Variants in UBA6 observed in about 807,000 individuals in gnomAD.
UBA6 encodes ubiquitin-like modifier-activating enzyme 6.
Under a neutral mutation model 148.3 loss-of-function variants are expected in UBA6, and 87 were observed. That is an observed-to-expected ratio of 0.59 (90% confidence interval 0.49 to 0.70). The LOEUF (loss-of-function observed/expected upper bound fraction) is 0.70. Ranked by LOEUF, UBA6 falls within the 30% of genes least tolerant of loss-of-function variation. UBA6 has a pLI of 0.00. For missense variants in UBA6, 1,186 were observed against 1,241.2 expected (o/e 0.96, Z 0.67); for synonymous variants, 376 against 401.0 (o/e 0.94, Z 0.75).
intron 17 of UBA6, among the ~76,000 whole-genome samples, chr4:67,642,432 C>A (rs1729328778): frequency 6.6e-6 from 1 of 152,042 alleles, no homozygotes. Context: ...AAACTTTTAA[C>A]CATCTCACTC....
chr4:67,645,891 T>C (rs560765041), intron 16 of UBA6, 47 bp downstream of exon 16: 9 of 1,196,360 alleles, frequency 7.5e-6, no homozygotes, highest in African/African-American at 1.5e-5. Flanking sequence ...TAAGTTGATA[T>C]ACGATAGCAG....
At chr4:67,672,595 C>T (rs1303845376) in intron 7 of UBA6, among the ~76,000 whole-genome samples, 5 of 152,162 alleles carry the variant, frequency 3.3e-5, no homozygotes, top group Admixed American at 2.0e-4. Context: ...GATCTTGTAA[C>T]GTATGGCCCC....
At chr4:67,678,584 ACT>A (rs1388793901) in intron 4 of UBA6, 51 bp from the exon 5 acceptor site, 3 of 992,748 alleles carry the variant, frequency 3.0e-6, no homozygotes, top group Non-Finnish European at 4.7e-6. Flanking sequence ...AAGGATATGC[ACT>A]CTCTCCAGTA....
At chr4:67,636,642 C>G (rs1470328636) in intron 19 of UBA6, among the ~76,000 whole-genome samples, 1 of 152,256 alleles carries the variant, frequency 6.6e-6, no homozygotes, top group East Asian at 1.9e-4. Flanking sequence ...GATCTGCCAG[C>G]CTCGGCCTCC....
At chr4:67,677,127 G>A (rs1730300588) in intron 6 of UBA6, among the ~76,000 whole-genome samples, 1 of 152,192 alleles carries the variant, frequency 6.6e-6, no homozygotes. Context: ...CCGACAGGAT[G>A]TTAATGGACA....
chr4:67,679,809 G>C (rs942356269), intron 4 of UBA6, among the ~76,000 whole-genome samples: 2 of 152,048 alleles, frequency 1.3e-5, no homozygotes, highest in African/African-American at 4.8e-5. Flanking sequence ...AGAAATTTCA[G>C]TATTTACTCA....
Position 67,644,780 on chromosome 4 carries a change from T to C in UBA6, c.1396-2A>G. The C allele has an allele frequency of 6.3e-7, 1 of 1,581,748 alleles. No individual in the cohort carries two copies. The highest frequency in any genetic ancestry group is 8.7e-7 in the Non-Finnish European group (1 of 1,151,660). On this transcript the variant is annotated splice_acceptor_variant, in intron 16 of 32. Transcript: ENST00000322244. LOFTEE classifies it high-confidence loss of function. Reference sequence around the variant, plus strand: ...ACAGCCTATGGCTCCACACCCTACCTATGGAGGAGAAAAATGGTATATATC... The same window carrying C: ...ACAGCCTATGGCTCCACACCCTACCCATGGAGGAGAAAAATGGTATATATC...
chr4:67,675,440 G>A (rs1325781119), intron 6 of UBA6, among the ~76,000 whole-genome samples: 1 of 151,982 alleles, frequency 6.6e-6, no homozygotes, highest in African/African-American at 2.4e-5. Flanking sequence ...CTAAATTCTT[G>A]GAGGTTTAGG....
At chr4:67,628,989 A>G in intron 27 of UBA6, 82 bp downstream of exon 27, 8 of 939,236 alleles carry the variant, frequency 8.5e-6, no homozygotes, top group Non-Finnish European at 1.2e-5. Context: ...ATTCATTGTG[A>G]TATTCTCCAG....
chr4:67,673,348 G>A (rs1011567087), intron 7 of UBA6, among the ~76,000 whole-genome samples: 6 of 151,174 alleles, frequency 4.0e-5, no homozygotes, highest in African/African-American at 1.2e-4. Context: ...CCCGGGAGGC[G>A]GAGGTTGGGG....
intron 2 of UBA6, among the ~76,000 whole-genome samples, chr4:67,691,733 G>C (rs550682502): frequency 6.6e-6 from 1 of 152,046 alleles, no homozygotes; most frequent in Non-Finnish European, 1.5e-5. Flanking sequence ...ACTGTAGACT[G>C]AGGTCTGCAG....
At chr4:67,694,703 T>C (rs1166444204) in intron 2 of UBA6, among the ~76,000 whole-genome samples, 1 of 152,190 alleles carries the variant, frequency 6.6e-6, no homozygotes, top group Non-Finnish European at 1.5e-5. Flanking sequence ...GGCCACATCT[T>C]TGTATTTCTA....
intron 1 of UBA6, among the ~76,000 whole-genome samples, chr4:67,700,137 C>A (rs1730942030): frequency 6.6e-6 from 1 of 152,164 alleles, no homozygotes; most frequent in Non-Finnish European, 1.5e-5. Context: ...ATAAGACAAT[C>A]AAAAACGCTT....
At chr4:67,636,065 C>G (rs990436524) in intron 19 of UBA6, among the ~76,000 whole-genome samples, 2 of 152,002 alleles carry the variant, frequency 1.3e-5, no homozygotes, top group African/African-American at 2.4e-5. Context: ...TGCTCTACAC[C>G]CTAACATTGA....
intron 23 of UBA6, 64 bp from the exon 24 acceptor site, chr4:67,631,972 A>C: frequency 6.9e-7 from 1 of 1,449,686 alleles, no homozygotes; most frequent in South Asian, 1.3e-5. Flanking sequence ...AAATTAAAAA[A>C]TAAAATTAAA....
intron 4 of UBA6, among the ~76,000 whole-genome samples, chr4:67,680,049 C>A (rs1231370811): frequency 6.6e-6 from 1 of 152,112 alleles, no homozygotes; most frequent in East Asian, 1.9e-4. Context: ...CTGGTCAATA[C>A]TACGAAATGA....
intron 14 of UBA6, among the ~76,000 whole-genome samples, chr4:67,647,466 G>A (rs1729445715): frequency 1.3e-5 from 2 of 151,898 alleles, no homozygotes; most frequent in African/African-American, 4.8e-5. Context: ...TACTTTTTGA[G>A]AAGAAAGTAC....
Position 67,641,112 on chromosome 4 carries a change from T to A in UBA6, c.1554+39A>T, listed in dbSNP as rs201989046. ...TATTAAAAGGAAACTCTTTTTTGTA[T>A]AATACATGATTTAAATTTGAAACAG... On this transcript the variant is annotated intron_variant, in intron 18 of 32. Transcript: ENST00000322244. 2.5e-5 allele frequency: 31 copies of A among 1,258,380 alleles called. No homozygotes were observed. In the African/African-American group the frequency reaches 3.8e-4, roughly 16 times the overall value. The allele number at this position is 1,258,380 out of a possible 1,614,324, so 78.0% of individuals were successfully genotyped here.
At chr4:67,621,562 G>C (rs1488988236) in intron 32 of UBA6, among the ~76,000 whole-genome samples, 1 of 152,200 alleles carries the variant, frequency 6.6e-6, no homozygotes, top group Middle Eastern at 3.2e-3. Flanking sequence ...CAGCACTTTG[G>C]GAGGCTGAGG....
Sources: gnomAD v4.1 joint callset for allele counts (sites outside exome capture counted in the v4.1 genomes callset) on GRCh38, gnomAD v4.1.1 for gene constraint, MANE v1.5 for transcripts, NCBI Gene and HGNC (gene_info 2026-07-23, HGNC 2026-07-21) for gene names.